Variants in METTL2B observed in about 807,000 individuals in gnomAD.
METTL2B encodes the protein methyltransferase 2B, tRNA N3-cytidine, also known as tRNA N(3)-cytidine methyltransferase METTL2B.
Under a neutral mutation model 51.0 loss-of-function variants are expected in METTL2B, and 28 were observed. That is an observed-to-expected ratio of 0.55 (90% CI 0.41 to 0.75). METTL2B has a LOEUF of 0.75. METTL2B is among the 30% of genes least tolerant of loss of function. The pLI is 0.00. For missense variants in METTL2B, 313 were observed against 460.7 expected (o/e 0.68, Z 2.93); for synonymous variants, 128 against 166.3 (o/e 0.77, Z 1.77).
chr7:128,486,596 G>A (rs577754229), intron 4 of METTL2B, among the ~76,000 whole-genome samples: 6 of 151,438 alleles, frequency 4.0e-5, no homozygotes, highest in East Asian at 3.9e-4. Context: ...CCAAGACCTC[G>A]TGTCTCACAA....
At chr7:128,480,440 A>G (rs1007590173) in intron 3 of METTL2B, among the ~76,000 whole-genome samples, 1 of 152,244 alleles carries the variant, frequency 6.6e-6, no homozygotes, top group African/African-American at 2.4e-5. Context: ...GTTTCTGCTA[A>G]TAAAAACCCA....
intron 4 of METTL2B, among the ~76,000 whole-genome samples, chr7:128,486,108 A>G (rs1792701775): frequency 6.6e-6 from 1 of 152,152 alleles, no homozygotes. Context: ...AGCCTGGCCA[A>G]CATGGCGAAA....
chr7:128,492,252 G>A (rs1224626230), intron 5 of METTL2B, among the ~76,000 whole-genome samples: 1 of 151,836 alleles, frequency 6.6e-6, no homozygotes, highest in African/African-American at 2.4e-5. Context: ...CGCCTCCCAG[G>A]TTCAAGCGAT....
chr7:128,486,975 G>A (rs1239015348), intron 4 of METTL2B, among the ~76,000 whole-genome samples: 1 of 152,216 alleles, frequency 6.6e-6, no homozygotes, highest in Non-Finnish European at 1.5e-5. Context: ...GGACAGGCAT[G>A]GACCCTGCTT....
rs1310949959 is a variant in METTL2B at position 128,505,160 on chromosome 7, TG to T, written c.*3247del. On this transcript the variant is annotated 3_prime_UTR_variant, in exon 9 of 9. Transcript: ENST00000262432. ...GTGGGCGCCTGTAATCCCAGCTATC[TG>T]GGAGGCTGAGTCTAGAGAATCATTT... is the stretch of plus-strand genomic sequence containing the variant. 6.7e-5 allele frequency: 10 copies of T among 150,124 alleles called. No homozygotes were observed. The highest frequency in any genetic ancestry group is 1.2e-4 in the African/African-American group (5 of 40,600). The allele number at this position is 150,124 out of a possible 1,614,324, so 9.3% of individuals were successfully genotyped here.
At chr7:128,482,506 C>G (rs535119538) in intron 4 of METTL2B, among the ~76,000 whole-genome samples, 80 of 152,132 alleles carry the variant, frequency 5.3e-4, no homozygotes, top group African/African-American at 1.9e-3. Context: ...ACCACAAAGA[C>G]CAACACCAAA....
chr7:128,500,356 C>T (rs1224333029), intron 7 of METTL2B, among the ~76,000 whole-genome samples: 1 of 152,172 alleles, frequency 6.6e-6, no homozygotes, highest in Non-Finnish European at 1.5e-5. Flanking sequence ...CACGGTGGCT[C>T]ATGCCTTTAA....
At chr7:128,478,638 G>A (rs1410417064) in intron 2 of METTL2B, among the ~76,000 whole-genome samples, 1 of 120,354 alleles carries the variant, frequency 8.3e-6, no homozygotes, top group Non-Finnish European at 1.7e-5. Context: ...GCTGAGGCGG[G>A]TGGATCACGA....
intron 1 of METTL2B, 74 bp downstream of exon 1, chr7:128,476,949 C>T: frequency 8.2e-7 from 1 of 1,218,060 alleles, no homozygotes; most frequent in Non-Finnish European, 1.1e-6. Flanking sequence ...CCGAAAAGCC[C>T]CTGACCGCCG....
chr7:128,490,629 T>G (rs944924276), intron 5 of METTL2B, among the ~76,000 whole-genome samples: 3 of 152,162 alleles, frequency 2.0e-5, no homozygotes, highest in African/African-American at 7.2e-5. Flanking sequence ...AGTCAGTATT[T>G]CCTAGTTTTG....
At chr7:128,497,772 C>T (rs1191468457) in intron 6 of METTL2B, among the ~76,000 whole-genome samples, 4 of 152,164 alleles carry the variant, frequency 2.6e-5, no homozygotes, top group African/African-American at 9.7e-5. Flanking sequence ...CATGAGCCAC[C>T]GCACCTGGCC....
intron 7 of METTL2B, among the ~76,000 whole-genome samples, chr7:128,498,797 G>A (rs1030000835): frequency 2.6e-5 from 4 of 152,078 alleles, no homozygotes; most frequent in African/African-American, 7.2e-5. Flanking sequence ...TCAAGAGTTC[G>A]AGACCAGCCC....
chr7:128,484,232 T>TTTTTTTTTTTTTTGTTTTTTTTTTTTTG (rs1792655498), intron 4 of METTL2B: 1 of 83,558 alleles, frequency 1.2e-5, no homozygotes, highest in African/African-American at 5.0e-5. Context: ...TTTTTTTTTT[T>TTTTTTTTTTTTTTGTTTTTTTTTTTTTG]TTTTTTTTTT....
intron 4 of METTL2B, among the ~76,000 whole-genome samples, chr7:128,486,574 T>C (rs1792723095): frequency 6.6e-6 from 1 of 151,430 alleles, no homozygotes; most frequent in Admixed American, 6.6e-5. Flanking sequence ...TACTCCAGCC[T>C]GGGTGACACA....
rs368725468 is a variant in METTL2B at position 128,497,987 on chromosome 7, C to G, written c.810-49C>G. 25 of 1,594,014 alleles carry G rather than the reference C, an allele frequency of 1.6e-5. No homozygotes were observed. The African/African-American group carries it at 2.3e-4, about 15-fold the overall frequency. On this transcript the variant is annotated intron_variant, in intron 6 of 8. Coordinates refer to ENST00000262432, the MANE Select transcript of METTL2B (RefSeq NM_018396.3). ...GGGATATGCTACAGGGAAAGAGAAC[C>G]CTGTCTTTAAGGAGACCTGATTAAC...
At chr7:128,493,685 G>T in intron 5 of METTL2B, 119 bp from the exon 6 acceptor site, 4 of 1,418,042 alleles carry the variant, frequency 2.8e-6, no homozygotes, top group Non-Finnish European at 2.8e-6. Flanking sequence ...AAAGAAAAAA[G>T]AAATAGATCC....
chr7:128,476,819 G>A lies in METTL2B; in HGVS notation c.54G>A (p.Gln18=), dbSNP rs759777322. The change falls in exon 1 of 9, where the codon CAG becomes CAA. Residue 18 remains glutamine (Q), a synonymous_variant. Coordinates refer to ENST00000262432, the MANE Select transcript of METTL2B (RefSeq NM_018396.3). ...GAPAILADKR[Q]QFGSRFLSDP... ...CTGCAATCCTCGCCGATAAGAGGCA[G>A]CAGTTCGGAAGCCGGTTCCTGAGCG... 1 of 1,614,186 alleles carries A rather than the reference G, an allele frequency of 6.2e-7. No homozygotes were observed. The highest frequency in any genetic ancestry group is 8.5e-7 in the Non-Finnish European group (1 of 1,180,038).
chr7:128,485,348 C>T (rs1451305288), intron 4 of METTL2B, among the ~76,000 whole-genome samples: 1 of 152,116 alleles, frequency 6.6e-6, no homozygotes, highest in Non-Finnish European at 1.5e-5. Flanking sequence ...GCCTGAACAA[C>T]ATAGTGAGAC....
chr7:128,484,659 C>T (rs1387637155), intron 4 of METTL2B, among the ~76,000 whole-genome samples: 2 of 152,052 alleles, frequency 1.3e-5, no homozygotes, highest in Non-Finnish European at 2.9e-5. Context: ...GTGGCACGAT[C>T]TTGGCTCACT....
Sources: allele counts gnomAD v4.1 joint callset (sites outside exome capture counted in the v4.1 genomes callset), GRCh38; gene constraint gnomAD v4.1.1; transcripts MANE v1.5; gene names NCBI Gene and HGNC (gene_info 2026-07-23, HGNC 2026-07-21).